The following TP73 variants were observed in gnomAD, a reference collection of about 807,000 sequenced individuals.
TP73 encodes p53-like transcription factor.
In TP73, 25 loss-of-function variants were observed where a neutral mutation model predicts 62.5. That is an observed-to-expected ratio of 0.40 (90% CI 0.29 to 0.56). The LOEUF (loss-of-function observed/expected upper bound fraction) is 0.56. TP73 is among the 20% of genes least tolerant of loss of function. The pLI, the probability that TP73 is intolerant of heterozygous loss-of-function variation, is 0.46. For missense variants in TP73, 754 were observed against 913.3 expected (o/e 0.83, Z 2.25); for synonymous variants, 423 against 377.5 (o/e 1.12, Z -1.40).
intron 1 of TP73, among the ~76,000 whole-genome samples, chr1:3,659,851 C>CT (rs56666456): frequency 6.6e-6 from 1 of 151,640 alleles, no homozygotes; most frequent in African/African-American, 2.4e-5. Context: ...ATTATTATTA[C>CT]TTTTTTTTAG....
At chr1:3,658,011 C>T (rs879285750) in intron 1 of TP73, among the ~76,000 whole-genome samples, 2 of 152,180 alleles carry the variant, frequency 1.3e-5, no homozygotes, top group Non-Finnish European at 2.9e-5. Flanking sequence ...TCGGTCTGCG[C>T]GGAAGGGTCT....
intron 13 of TP73, among the ~76,000 whole-genome samples, chr1:3,731,769 G>A (rs1642158523): frequency 6.6e-6 from 1 of 152,240 alleles, no homozygotes; most frequent in Non-Finnish European, 1.5e-5. Flanking sequence ...CAGGCCTCCG[G>A]ATGCTGAACT....
In TP73 at chr1:3,678,682, G is replaced by A. The variant is rs376331215; in HGVS notation, c.-33-3651G>A. Among the ~76,000 whole-genome samples, 168 of 152,340 alleles carry A rather than the reference G, an allele frequency of 1.1e-3. 3 individuals are homozygous for A. The South Asian group carries it at 0.029, about 26-fold the overall frequency. On this transcript the variant is annotated intron_variant, in intron 1 of 13. Coordinates refer to ENST00000378295, the MANE Select transcript of TP73 (RefSeq NM_005427.4). ...AGGCCGGTGGCTGCAGCAGGGCCCC[G>A]AGCAGTGGCAAGGCTGGCCCTCATG...
At chr1:3,679,616 C>T (rs559502337) in intron 1 of TP73, among the ~76,000 whole-genome samples, 1 of 149,678 alleles carries the variant, frequency 6.7e-6, no homozygotes, top group Non-Finnish European at 1.5e-5. Context: ...TCTGTTTTGT[C>T]TCTCTTTGTC....
intron 3 of TP73, among the ~76,000 whole-genome samples, chr1:3,691,147 A>G (rs1205374362): frequency 6.6e-6 from 1 of 152,124 alleles, no homozygotes; most frequent in African/African-American, 2.4e-5. Context: ...TCGGGCTCCA[A>G]CAGCCTGTGC....
At chr1:3,697,402 T>C (rs1638765211) in intron 3 of TP73, among the ~76,000 whole-genome samples, 1 of 152,174 alleles carries the variant, frequency 6.6e-6, no homozygotes, top group African/African-American at 2.4e-5. Flanking sequence ...GCCCTGCTGG[T>C]CCCCAGCCTG....
intron 6 of TP73, 96 bp from the exon 7 acceptor site, chr1:3,727,019 T>C: frequency 9.8e-7 from 1 of 1,025,168 alleles, no homozygotes; most frequent in Non-Finnish European, 1.5e-6. Context: ...CCTGCCTACG[T>C]GGAGCCAGGA....
intron 1 of TP73, among the ~76,000 whole-genome samples, chr1:3,678,160 A>G (rs1645417500): frequency 6.6e-6 from 1 of 152,278 alleles, no homozygotes; most frequent in Non-Finnish European, 1.5e-5. Context: ...GCAACGTTTC[A>G]AAAGCAATTT....
At chr1:3,694,800 GA>G (rs1240339179) in intron 3 of TP73, among the ~76,000 whole-genome samples, 1 of 123,784 alleles carries the variant, frequency 8.1e-6, no homozygotes, top group African/African-American at 3.8e-5. Flanking sequence ...TGCAGCCTCA[GA>G]CCCTTCCTCC....
At chr1:3,707,891 C>T in intron 4 of TP73, 100 bp downstream of exon 4, 1 of 1,486,152 alleles carries the variant, frequency 6.7e-7, no homozygotes, top group South Asian at 1.3e-5. Flanking sequence ...GCTCGCCCCA[C>T]TGTCTGCTCG....
rs1269062588 is a variant in TP73 at position 3,733,193 on chromosome 1, G to A, written c.*114G>A. ...GGCAGGACCTTCGGGCTGTGCCCGG[G>A]GAAAGGCAAGGTCCGGCCCATCCCC... On this transcript the variant is annotated 3_prime_UTR_variant, in exon 14 of 14. Transcript: ENST00000378295. 8.0e-7 allele frequency: 1 copy of A among 1,251,468 alleles called. No homozygotes were observed. Among genetic ancestry groups the A allele is most frequent in the Non-Finnish European group, 1.1e-6 (1 of 926,498 alleles). 77.5% of individuals were successfully genotyped at this position (1,251,468 alleles called of 1,614,324 possible). A position where few individuals can be genotyped will look rare whatever the true frequency, so the allele number is the denominator to read the frequency against.
At position 3,695,863 on chromosome 1, in the gene TP73, C is replaced by T. The variant is rs562406883; in HGVS notation, c.187-11686C>T. On this transcript the variant is annotated intron_variant, in intron 3 of 13. Coordinates refer to ENST00000378295, the MANE Select transcript of TP73 (RefSeq NM_005427.4). ...GACGATCCAGGGAATGGGGCAGCCCCGCCGGTCAGGTGGTACCACACCGTG... is the reference window on the plus strand; with the variant it reads ...GACGATCCAGGGAATGGGGCAGCCCTGCCGGTCAGGTGGTACCACACCGTG... Among the ~76,000 whole-genome samples, 6 of 152,320 alleles carry T rather than the reference C, an allele frequency of 3.9e-5. No individual in the cohort carries two copies. The East Asian group carries it at 7.7e-4, about 20-fold the overall frequency.
chr1:3,718,453 G>C (rs950383203), intron 4 of TP73, among the ~76,000 whole-genome samples: 3 of 152,284 alleles, frequency 2.0e-5, no homozygotes, highest in East Asian at 3.9e-4. Flanking sequence ...CTGAGAGGCC[G>C]CTGCCTAGGT....
intron 3 of TP73, among the ~76,000 whole-genome samples, chr1:3,685,681 T>C (rs1570440068): frequency 6.6e-6 from 1 of 152,196 alleles, no homozygotes; most frequent in Admixed American, 6.5e-5. Context: ...GCCCAGGGCT[T>C]AGCTGCCTTG....
intron 3 of TP73, among the ~76,000 whole-genome samples, chr1:3,705,178 G>C (rs1216100522): frequency 1.3e-5 from 2 of 152,200 alleles, no homozygotes; most frequent in Non-Finnish European, 2.9e-5. Context: ...CTGGGATTAC[G>C]GGCGTCCCCC....
At chr1:3,682,495 C>T in intron 2 of TP73, 65 bp downstream of exon 2, 1 of 1,370,746 alleles carries the variant, frequency 7.3e-7, no homozygotes, top group East Asian at 2.9e-5. Flanking sequence ...TAGCCTCAGC[C>T]ACCTTCGCTG....
rs377263998 is a variant in TP73 at position 3,730,069 on chromosome 1, C to T, written c.1266C>T (p.Asn422=). 44 of 1,604,720 alleles carry T rather than the reference C, an allele frequency of 2.7e-5. No individual in the cohort carries two copies. The highest frequency in any genetic ancestry group is 3.4e-5 in the South Asian group (3 of 89,270). The part of the protein sequence containing the change: ...SPMNKVHGGM[N]KLPSVNQLVG... Reference sequence around the variant, plus strand: ...TGAACAAGGTGCACGGGGGCATGAACAAGCTGCCCTCCGTCAACCAGCTGG... The same window carrying T: ...TGAACAAGGTGCACGGGGGCATGAATAAGCTGCCCTCCGTCAACCAGCTGG... Residue 422 remains asparagine (N), a synonymous_variant, in exon 11 of 14, where the codon AAC becomes AAT. Coordinates refer to ENST00000378295, the MANE Select transcript of TP73 (RefSeq NM_005427.4).
In TP73 at chr1:3,657,222, C is replaced by T. The variant is rs140896804; in HGVS notation, c.-34+4581C>T. 3.3e-4 allele frequency among the ~76,000 whole-genome samples: 51 copies of T among 152,314 alleles called. No homozygotes were observed. In the East Asian group the frequency reaches 8.3e-3, roughly 25 times the overall value. On this transcript the variant is annotated intron_variant, in intron 1 of 13. Coordinates refer to ENST00000378295, the MANE Select transcript of TP73 (RefSeq NM_005427.4). ...ATCTGAAGCCAGGTGTGGGCAGGGT[C>T]GGGTTCCCTCGGAGGCTCTGAGAGG...
chr1:3,683,050 C>T lies in TP73; in HGVS notation c.66-10C>T. 2 of 1,597,610 alleles carry T rather than the reference C, an allele frequency of 1.3e-6. No individual in the cohort carries two copies. The highest frequency in any genetic ancestry group is 2.7e-5 in the African/African-American group (2 of 74,800). ...GGACTGACGCTTCTATTTTCCTCTC[C>T]CTGCCCCAGGGAACCAGACAGCACC... On this transcript the variant is annotated splice_polypyrimidine_tract_variant and intron_variant, in intron 2 of 13. Transcript: ENST00000378295.
Sources: allele counts gnomAD v4.1 joint callset (sites outside exome capture counted in the v4.1 genomes callset), GRCh38; gene constraint gnomAD v4.1.1; transcripts MANE v1.5; gene names NCBI Gene and HGNC (gene_info 2026-07-23, HGNC 2026-07-21).